Variants in BACH2 observed in about 807,000 individuals in gnomAD.
BACH2 encodes the protein BACH transcriptional regulator 2, also known as transcription regulator protein BACH2.
In BACH2, 5 loss-of-function variants were observed where a neutral mutation model predicts 61.8. The ratio of observed to expected loss-of-function variants is 0.08; its 90% confidence interval spans 0.04 to 0.17. The LOEUF (loss-of-function observed/expected upper bound fraction) is 0.17. Among genes scored for constraint, BACH2 ranks in the 10% least tolerant of loss-of-function variants. BACH2 has a pLI of 1.00. For missense variants in BACH2, 824 were observed against 1,091.1 expected (o/e 0.76, Z 3.45); for synonymous variants, 446 against 440.1 (o/e 1.01, Z -0.17).
chr6:90,270,940 G>C (rs1003118893), intron 2 of BACH2, among the ~76,000 whole-genome samples: 1 of 152,134 alleles, frequency 6.6e-6, no homozygotes, highest in African/African-American at 2.4e-5. Flanking sequence ...ACAGCCAACT[G>C]ATCTTTGACA....
rs1326625207 is a variant in BACH2, at chr6:90,273,261, G to A, written c.-445-1320C>T. On this transcript the variant is annotated intron_variant, in intron 1 of 8. Coordinates refer to ENST00000257749, the MANE Select transcript of BACH2 (RefSeq NM_021813.4). ...TAGTCCTGGCTACTCAGGAGGCTAA[G>A]GCAAAAGGATCACTCGAGCCCAGGA... Among the ~76,000 whole-genome samples the A allele has an allele frequency of 4.6e-5, 7 of 152,168 alleles. No individual in the cohort carries two copies. The East Asian group carries it at 1.2e-3, about 25-fold the overall frequency.
rs1747118765 is a variant in BACH2 at position 90,008,255 on chromosome 6, C to T, written c.243+347G>A. On this transcript the variant is annotated intron_variant, in intron 6 of 8. Coordinates refer to ENST00000257749, the MANE Select transcript of BACH2 (RefSeq NM_021813.4). This position sits in a 1 kb window ranked among gnomAD's most constrained non-coding sequence, Gnocchi z 4.1. ...CAAGGGAAATCTAGTGATCCTTACA[C>T]CATCTGAAAGACAGAAATCATAGCA... The T allele has an allele frequency of 3.2e-6, 1 of 307,824 alleles. No homozygotes were observed. Among genetic ancestry groups the T allele is most frequent in the Admixed American group, 4.6e-5 (1 of 21,836 alleles). 19.1% of individuals were successfully genotyped at this position (307,824 alleles called of 1,614,324 possible). A position where few individuals can be genotyped will look rare whatever the true frequency, so the allele number is the denominator to read the frequency against.
chr6:89,928,853 G>A lies in BACH2; in HGVS notation c.*3555C>T, dbSNP rs1420140111. On this transcript the variant is annotated 3_prime_UTR_variant, in exon 9 of 9. Coordinates refer to ENST00000257749, the MANE Select transcript of BACH2 (RefSeq NM_021813.4). ...AGAAGATAAATAGCAGGATGGCCTC[G>A]TAACTTTGTCGGTTTTTTTTTTTTT... is the stretch of plus-strand genomic sequence containing the variant. The A allele has an allele frequency of 2.1e-5, 3 of 142,716 alleles. No homozygotes were observed. Among genetic ancestry groups the A allele is most frequent in the African/African-American group, 7.9e-5 (3 of 37,924 alleles). The allele number at this position is 142,716 out of a possible 1,614,324, so 8.8% of individuals were successfully genotyped here. A position where few individuals can be genotyped will look rare whatever the true frequency, so the allele number is the denominator to read the frequency against.
At position 89,938,399 on chromosome 6, in the gene BACH2, C is replaced by T. The variant is rs778440887; in HGVS notation, c.1837-49G>A. 9.2e-6 allele frequency: 14 copies of T among 1,519,836 alleles called. No homozygotes were observed. In the Admixed American group the frequency reaches 2.5e-4, roughly 27 times the overall value. 94.1% of individuals were successfully genotyped at this position (1,519,836 alleles called of 1,614,324 possible). A position where few individuals can be genotyped will look rare whatever the true frequency, so the allele number is the denominator to read the frequency against. ...TGATTATGGCAGCTGGATTTTAATTCTGGCAGGCGGAACATCAAAAATGAT... is the reference window on the plus strand; with the variant it reads ...TGATTATGGCAGCTGGATTTTAATTTTGGCAGGCGGAACATCAAAAATGAT... On this transcript the variant is annotated intron_variant, in intron 7 of 8. Coordinates refer to ENST00000257749, the MANE Select transcript of BACH2 (RefSeq NM_021813.4).
At chr6:90,132,095 T>C (rs1784098459) in intron 4 of BACH2, among the ~76,000 whole-genome samples, 3 of 152,198 alleles carry the variant, frequency 2.0e-5, no homozygotes, top group African/African-American at 7.2e-5. Flanking sequence ...GTGAATCAGG[T>C]AGCAGTAAAA....
At chr6:89,933,386 G>C (rs1029546734) in intron 8 of BACH2, among the ~76,000 whole-genome samples, 8 of 152,102 alleles carry the variant, frequency 5.3e-5, no homozygotes, top group Admixed American at 5.2e-4. Flanking sequence ...GGGTAAAAGG[G>C]GTTGAACAGG....
intron 4 of BACH2, among the ~76,000 whole-genome samples, chr6:90,122,737 G>A (rs1783682542): frequency 6.6e-6 from 1 of 152,200 alleles, no homozygotes; most frequent in Non-Finnish European, 1.5e-5. Flanking sequence ...GGCTCTCCCA[G>A]CCCCTCTGAT....
chr6:90,162,276 T>C (rs1246766495), intron 4 of BACH2, among the ~76,000 whole-genome samples: 1 of 152,182 alleles, frequency 6.6e-6, no homozygotes, highest in African/African-American at 2.4e-5. Context: ...ATCAGAAAAT[T>C]TGTTCTTTCG....
At chr6:90,239,450 T>C (rs1452145494) in intron 3 of BACH2, among the ~76,000 whole-genome samples, 1 of 152,100 alleles carries the variant, frequency 6.6e-6, no homozygotes, top group Admixed American at 6.5e-5. Context: ...ATGTCATGGG[T>C]GAACCTGAGC....
intron 4 of BACH2, among the ~76,000 whole-genome samples, chr6:90,113,630 A>T (rs932297632): frequency 2.0e-5 from 3 of 152,212 alleles, no homozygotes; most frequent in African/African-American, 7.2e-5. Flanking sequence ...TCACATCAAA[A>T]AGTTAGAAAG....
At chr6:90,030,222 T>C (rs1300335405) in intron 5 of BACH2, among the ~76,000 whole-genome samples, 1 of 152,118 alleles carries the variant, frequency 6.6e-6, no homozygotes, top group Non-Finnish European at 1.5e-5. Context: ...TGCCCTTCCT[T>C]TCCGCAGCCC....
In BACH2 at chr6:90,296,634, C is replaced by A. The variant is rs1005312096; in HGVS notation, c.-600G>T. The A allele has an allele frequency of 2.0e-5, 3 of 152,634 alleles. No individual in the cohort carries two copies. The highest frequency in any genetic ancestry group is 2.9e-5 in the Non-Finnish European group (2 of 68,128). 9.5% of individuals were successfully genotyped at this position (152,634 alleles called of 1,614,324 possible). ...CACATGGCAGCTCGTTCCCAGCCCC[C>A]CGAGTGCGCCGGGAAGGGGGAGGGG... is the stretch of plus-strand genomic sequence containing the variant. On this transcript the variant is annotated 5_prime_UTR_variant, in exon 1 of 9. Transcript: ENST00000257749.
intron 4 of BACH2, among the ~76,000 whole-genome samples, chr6:90,166,489 C>A (rs1767622782): frequency 6.6e-6 from 1 of 152,216 alleles, no homozygotes; most frequent in African/African-American, 2.4e-5. Context: ...TTGCAGAAGT[C>A]AGTGTGGCGA....
In BACH2 at chr6:90,113,528, A is replaced by G. The variant is rs915916273; in HGVS notation, c.-161-24419T>C. ...AATGAAATGAAGGCAGAAATCAAGA[A>G]GTTTATTGAAAATAATGAGAACAAA... is the stretch of plus-strand genomic sequence containing the variant. On this transcript the variant is annotated intron_variant, in intron 4 of 8. Transcript: ENST00000257749. Among the ~76,000 whole-genome samples the G allele has an allele frequency of 6.6e-5, 10 of 152,276 alleles. 1 individual carries two copies. In the South Asian group the frequency reaches 1.0e-3, roughly 16 times the overall value.
chr6:90,155,407 A>T (rs1355542703), intron 4 of BACH2, among the ~76,000 whole-genome samples: 1 of 152,244 alleles, frequency 6.6e-6, no homozygotes, highest in Non-Finnish European at 1.5e-5. Context: ...ATTTTTGGAA[A>T]AGGAAACTAA....
chr6:90,060,410 C>T lies in BACH2; in HGVS notation c.-13+28551G>A, dbSNP rs570791881. 5.9e-5 allele frequency among the ~76,000 whole-genome samples: 9 copies of T among 152,154 alleles called. No homozygotes were observed. The South Asian group carries it at 1.9e-3, about 32-fold the overall frequency. On this transcript the variant is annotated intron_variant, in intron 5 of 8. Transcript: ENST00000257749. Reference sequence around the variant, plus strand: ...TTATTTTCCAGTTCATTAATTAGTCCATTACAAAAAAGCTTATCCACTAAA... The same window carrying T: ...TTATTTTCCAGTTCATTAATTAGTCTATTACAAAAAAGCTTATCCACTAAA...
At chr6:89,976,363 C>G (rs1197948353) in intron 6 of BACH2, among the ~76,000 whole-genome samples, 1 of 152,240 alleles carries the variant, frequency 6.6e-6, no homozygotes, top group East Asian at 1.9e-4. Flanking sequence ...CTCACTACTG[C>G]CTTAGGGGGC....
chr6:89,982,887 A>G (rs1776036701), intron 6 of BACH2, among the ~76,000 whole-genome samples: 1 of 152,172 alleles, frequency 6.6e-6, no homozygotes, highest in Admixed American at 6.5e-5. Context: ...CCATTCTAAC[A>G]AATGTTTTCT....
chr6:90,225,062 A>T (rs575880919), intron 3 of BACH2, among the ~76,000 whole-genome samples: 53 of 150,262 alleles, frequency 3.5e-4, no homozygotes, highest in African/African-American at 1.3e-3. Flanking sequence ...CTTGAAATAC[A>T]TCATAACAAC....
Sources: allele counts gnomAD v4.1 joint callset (sites outside exome capture counted in the v4.1 genomes callset), GRCh38; gene constraint gnomAD v4.1.1; non-coding constraint Gnocchi (gnomAD v3.1); transcripts MANE v1.5; gene names NCBI Gene and HGNC (gene_info 2026-07-23, HGNC 2026-07-21).